PTK2B: variants seen among roughly 807,000 people sequenced by gnomAD.
PTK2B encodes protein tyrosine kinase 2 beta, also known as protein-tyrosine kinase 2-beta.
A neutral mutation model predicts 142.9 loss-of-function variants in PTK2B; 71 were observed. The observed-to-expected ratio is 0.50, with a 90% confidence interval of 0.41 to 0.61. The LOEUF (loss-of-function observed/expected upper bound fraction) is 0.61, where lower values mean the gene tolerates loss of function less well. Among genes scored for constraint, PTK2B ranks in the 20% least tolerant of loss-of-function variants. The probability of loss-of-function intolerance (pLI) is 0.00; values close to 1 mark genes in which losing one functional copy is unlikely to be tolerated. For synonymous variants in PTK2B, 519 were observed against 503.4 expected (o/e 1.03, Z -0.42); for missense variants, 1,105 against 1,320.4 (o/e 0.84, Z 2.53).
At chr8:27,371,710 G>A (rs902087662) in intron 1 of PTK2B, among the ~76,000 whole-genome samples, 14 of 152,048 alleles carry the variant, frequency 9.2e-5, no homozygotes, top group African/African-American at 3.4e-4. Context: ...ACCATGCCCT[G>A]CTAATTTTTG....
At chr8:27,436,389 T>C (rs1427554265) in intron 15 of PTK2B, 41 bp downstream of exon 15, 2 of 1,561,448 alleles carry the variant, frequency 1.3e-6, no homozygotes, top group Non-Finnish European at 8.8e-7. Context: ...CTTCCACATG[T>C]CTGTAGGGTG....
intron 1 of PTK2B, among the ~76,000 whole-genome samples, chr8:27,394,918 A>G (rs1331278092): frequency 6.6e-6 from 1 of 152,202 alleles, no homozygotes; most frequent in East Asian, 1.9e-4. Flanking sequence ...GATCAGGACC[A>G]TCAGTATCAC....
Position 27,420,048 on chromosome 8 carries a change from T to C in PTK2B, c.358T>C (p.Cys120Arg), listed in dbSNP as rs767433198. The change falls in exon 3 of 31, where the codon TGT (cysteine) becomes CGT (arginine). Residue 120 changes from cysteine (C) to arginine (R), a missense_variant. By Grantham distance (180) the Cys-to-Arg change is radical. Transcript: ENST00000346049. ...GGGTGAGGTGCAGGACAAGTATGAG[T>C]GTCTGCACGTGGAAGCCGAGTGGAG... ...TVGEVQDKYECLHVEAEWRYD... is the reference protein window; with the variant it reads ...TVGEVQDKYERLHVEAEWRYD... 1.2e-6 allele frequency: 2 copies of C among 1,614,066 alleles called. No homozygotes were observed. The highest frequency in any genetic ancestry group is 8.5e-7 in the Non-Finnish European group (1 of 1,180,002).
chr8:27,315,512 G>A (rs73241436), intron 3 of PTK2B, among the ~76,000 whole-genome samples: 11,492 of 152,114 alleles, frequency 0.076, 468 homozygotes, highest in Middle Eastern at 0.1. Flanking sequence ...CTCTTACGTC[G>A]TCTCATTCTC....
chr8:27,430,222 C>T, intron 6 of PTK2B, 67 bp downstream of exon 6: 2 of 1,579,478 alleles, frequency 1.3e-6, no homozygotes, highest in Non-Finnish European at 1.7e-6. Context: ...CCTCCTCACC[C>T]TCTCCTCCAC....
chr8:27,419,724 GATAGAGCCCATTGTGT>G (rs1412276998), intron 2 of PTK2B, among the ~76,000 whole-genome samples, 155 bp from the exon 3 acceptor site: 1 of 152,194 alleles, frequency 6.6e-6, no homozygotes, highest in Non-Finnish European at 1.5e-5. Context: ...CAATTTATCA[GATAGAGCCCATTGTGT>G]ACAAATCTTC....
intron 5 of PTK2B, among the ~76,000 whole-genome samples, chr8:27,423,949 G>A (rs1005425891): frequency 1.3e-5 from 2 of 152,166 alleles, no homozygotes; most frequent in African/African-American, 4.8e-5. Context: ...AGGCAGCCCA[G>A]CTCACTGCCA....
At chr8:27,346,419 G>A (rs1804715193) in intron 1 of PTK2B, among the ~76,000 whole-genome samples, 1 of 152,172 alleles carries the variant, frequency 6.6e-6, no homozygotes, top group Admixed American at 6.5e-5. Flanking sequence ...GGGGGCACAC[G>A]CCTGTAGTCC....
chr8:27,449,036 G>A (rs1173797227), intron 24 of PTK2B, among the ~76,000 whole-genome samples: 1 of 152,198 alleles, frequency 6.6e-6, no homozygotes, highest in African/African-American at 2.4e-5. Context: ...AACTGGGGTG[G>A]TGCTATAGGC....
At chr8:27,453,213 C>G in intron 28 of PTK2B, 53 bp downstream of exon 28, 1 of 1,594,238 alleles carries the variant, frequency 6.3e-7, no homozygotes, top group Non-Finnish European at 8.6e-7. Context: ...TTGCACAAAA[C>G]TGAAGACCAT....
chr8:27,387,761 AT>A (rs1554493838), intron 1 of PTK2B, among the ~76,000 whole-genome samples: 4 of 151,076 alleles, frequency 2.6e-5, no homozygotes, highest in Non-Finnish European at 5.9e-5. Context: ...CCTAAATCCT[AT>A]TTTTTAATCC....
At chr8:27,454,706 ATGTC>A (rs1375779753) in intron 30 of PTK2B, 95 bp downstream of exon 30, 2 of 1,299,642 alleles carry the variant, frequency 1.5e-6, no homozygotes, top group Middle Eastern at 1.8e-4. Flanking sequence ...GGGCAACCTC[ATGTC>A]TGTCCACTGA....
At chr8:27,313,970 G>A (rs1033228735) in intron 3 of PTK2B, among the ~76,000 whole-genome samples, 1 of 152,136 alleles carries the variant, frequency 6.6e-6, no homozygotes, top group African/African-American at 2.4e-5. Context: ...TGATAACTGT[G>A]AAACCATCAC....
At chr8:27,454,751 T>C in intron 30 of PTK2B, 140 bp downstream of exon 30, 1 of 853,562 alleles carries the variant, frequency 1.2e-6, no homozygotes, top group Non-Finnish European at 1.9e-6. Flanking sequence ...ATGTGGCTTA[T>C]CCATCAGCTA....
rs150849327 is a variant in PTK2B at position 27,368,895 on chromosome 8, G to T, written c.-37-28653G>T. Among the ~76,000 whole-genome samples the T allele has an allele frequency of 2.2e-4, 33 of 152,278 alleles. No individual in the cohort carries two copies. In the East Asian group the frequency reaches 5.6e-3, roughly 26 times the overall value. On this transcript the variant is annotated intron_variant, in intron 1 of 30. Coordinates refer to ENST00000346049, the MANE Select transcript of PTK2B (RefSeq NM_173176.3). ...AACTAGGGCTGCCTTGGGCTAGGAAGGAGGAAGCAGGGGTGGGCAGGGCGG... is the reference window on the plus strand; with the variant it reads ...AACTAGGGCTGCCTTGGGCTAGGAATGAGGAAGCAGGGGTGGGCAGGGCGG...
intron 1 of PTK2B, among the ~76,000 whole-genome samples, chr8:27,311,903 A>C (rs77082338): frequency 0.02 from 3,044 of 152,262 alleles, 112 homozygotes; most frequent in African/African-American, 0.069. Context: ...ACAGGTCATC[A>C]TGTTTCAAAG....
intron 18 of PTK2B, among the ~76,000 whole-genome samples, chr8:27,438,687 C>T (rs568322159): frequency 2.8e-4 from 43 of 152,146 alleles, no homozygotes; most frequent in Non-Finnish European, 6.0e-4. Context: ...GGCAACAGCA[C>T]AGAAGTGGAG....
rs1341597925 is a variant in PTK2B at position 27,434,132 on chromosome 8, T to C, written c.1145T>C (p.Leu382Pro). The change falls in exon 12 of 31, where the codon CTA becomes CCA. Residue 382 changes from leucine to proline, a missense_variant and splice_region_variant. Transcript: ENST00000346049. ...AACAGCCTGCCCCAGATCCCCATGCTGTGAGTACAATGGGGTGCAGAGGAC... is the reference window on the plus strand; with the variant it reads ...AACAGCCTGCCCCAGATCCCCATGCCGTGAGTACAATGGGGTGCAGAGGAC... Reference protein sequence around the residue: ...KRNSLPQIPMLNLEARRSHLS... With the variant: ...KRNSLPQIPMPNLEARRSHLS... The C allele has an allele frequency of 6.2e-7, 1 of 1,613,974 alleles. No homozygotes were observed. Among genetic ancestry groups the C allele is most frequent in the South Asian group, 1.1e-5 (1 of 91,084 alleles).
intron 5 of PTK2B, among the ~76,000 whole-genome samples, chr8:27,426,450 C>T (rs959413026): frequency 1.3e-5 from 2 of 152,192 alleles, no homozygotes; most frequent in Non-Finnish European, 2.9e-5. Flanking sequence ...ATTTGGGAGA[C>T]GTGGGTGCCC....
Sources: allele counts gnomAD v4.1 joint callset (sites outside exome capture counted in the v4.1 genomes callset), GRCh38; gene constraint gnomAD v4.1.1; transcripts MANE v1.5; gene names NCBI Gene and HGNC (gene_info 2026-07-23, HGNC 2026-07-21).